The following ZEB1 variants were observed in gnomAD, a reference collection of about 807,000 sequenced individuals.
ZEB1 encodes the protein zinc finger E-box-binding homeobox 1.
Under a neutral mutation model 84.9 loss-of-function variants are expected in ZEB1, and 21 were observed. The ratio of observed to expected loss-of-function variants is 0.25; its 90% CI spans 0.18 to 0.36. The LOEUF (loss-of-function observed/expected upper bound fraction) is 0.36, where lower values mean the gene tolerates loss of function less well. ZEB1 is among the 10% of genes least tolerant of loss of function. The pLI, the probability that ZEB1 is intolerant of heterozygous loss-of-function variation, is 1.00. For synonymous variants in ZEB1, 420 were observed against 471.1 expected (o/e 0.89, Z 1.41); for missense variants, 1,104 against 1,330.2 (o/e 0.83, Z 2.65).
intron 1 of ZEB1, among the ~76,000 whole-genome samples, chr10:31,434,036 A>C (rs2058025024): frequency 6.6e-6 from 1 of 152,210 alleles, no homozygotes; most frequent in African/African-American, 2.4e-5. Flanking sequence ...ATTTTTCTTT[A>C]CCTGCTTTTT....
intron 1 of ZEB1, among the ~76,000 whole-genome samples, chr10:31,456,158 C>G (rs1364412315): frequency 6.6e-6 from 1 of 152,152 alleles, no homozygotes; most frequent in Admixed American, 6.6e-5. Context: ...ATCACAAGAA[C>G]AGAAAACCAA....
intron 2 of ZEB1, among the ~76,000 whole-genome samples, chr10:31,479,595 A>G (rs2064770038): frequency 6.6e-6 from 1 of 151,902 alleles, no homozygotes; most frequent in South Asian, 2.1e-4. Flanking sequence ...GGTTTAACCT[A>G]TGCAGATAAA....
At chr10:31,495,917 C>T in intron 3 of ZEB1, 79 bp downstream of exon 3, 1 of 1,461,478 alleles carries the variant, frequency 6.8e-7, no homozygotes, top group South Asian at 1.1e-5. Flanking sequence ...TTTGTGAGTC[C>T]TGAATTTAGT....
chr10:31,419,181 A>G (rs546751091), intron 1 of ZEB1, among the ~76,000 whole-genome samples: 1 of 152,234 alleles, frequency 6.6e-6, no homozygotes, highest in African/African-American at 2.4e-5. Flanking sequence ...AGAGATCTGT[A>G]AAGAAATGAC....
chr10:31,364,480 G>T (rs1262984564), intron 1 of ZEB1, among the ~76,000 whole-genome samples: 1 of 152,174 alleles, frequency 6.6e-6, no homozygotes, highest in Non-Finnish European at 1.5e-5. Context: ...GAAGCAGAGC[G>T]CAGGACCAGC....
intron 1 of ZEB1, among the ~76,000 whole-genome samples, chr10:31,364,240 A>G (rs1246533234): frequency 6.6e-6 from 1 of 152,174 alleles, no homozygotes; most frequent in East Asian, 1.9e-4. Context: ...AGAGGAGTCA[A>G]AGGGCAAAGG....
At chr10:31,442,507 T>C (rs2059148019) in intron 1 of ZEB1, among the ~76,000 whole-genome samples, 1 of 151,924 alleles carries the variant, frequency 6.6e-6, no homozygotes, top group South Asian at 2.1e-4. Flanking sequence ...TGTATACATA[T>C]GTAACAAAGT....
At chr10:31,420,833 G>A (rs1334724074) in intron 1 of ZEB1, among the ~76,000 whole-genome samples, 1 of 152,080 alleles carries the variant, frequency 6.6e-6, no homozygotes, top group Non-Finnish European at 1.5e-5. Flanking sequence ...AGTGATGCTT[G>A]TCTCAGTCTC....
chr10:31,345,248 A>G (rs1221068750), intron 1 of ZEB1, among the ~76,000 whole-genome samples: 1 of 152,084 alleles, frequency 6.6e-6, no homozygotes, highest in Non-Finnish European at 1.5e-5. Flanking sequence ...CAGTTACTCC[A>G]TTTACCTGAA....
At chr10:31,367,848 G>C (rs2044833668) in intron 1 of ZEB1, among the ~76,000 whole-genome samples, 1 of 151,992 alleles carries the variant, frequency 6.6e-6, no homozygotes, top group East Asian at 1.9e-4. Context: ...ACAATTCTTG[G>C]TGAAAAAGTA....
At chr10:31,363,998 G>A (rs2043931571) in intron 1 of ZEB1, among the ~76,000 whole-genome samples, 1 of 152,216 alleles carries the variant, frequency 6.6e-6, no homozygotes, top group Non-Finnish European at 1.5e-5. Context: ...CGATGGCATG[G>A]CCAGGACCTG....
At chr10:31,324,148 C>G (rs927578430) in intron 1 of ZEB1, among the ~76,000 whole-genome samples, 3 of 151,902 alleles carry the variant, frequency 2.0e-5, no homozygotes, top group Non-Finnish European at 2.9e-5. Flanking sequence ...TGGAGCAAAA[C>G]TTAAAGTATC....
At chr10:31,354,675 T>G (rs913166478) in intron 1 of ZEB1, among the ~76,000 whole-genome samples, 3 of 152,216 alleles carry the variant, frequency 2.0e-5, no homozygotes, top group Non-Finnish European at 4.4e-5. Flanking sequence ...AGAAGTTAAA[T>G]AACTTCTCTT....
intron 1 of ZEB1, among the ~76,000 whole-genome samples, chr10:31,422,234 G>T (rs2056285357): frequency 6.6e-6 from 1 of 152,170 alleles, no homozygotes; most frequent in South Asian, 2.1e-4. Context: ...GCTTGGCATA[G>T]GGTACGGTAG....
intron 1 of ZEB1, among the ~76,000 whole-genome samples, chr10:31,437,588 G>A (rs542301169): frequency 6.6e-6 from 1 of 152,282 alleles, no homozygotes; most frequent in Admixed American, 6.5e-5. Flanking sequence ...CAGGGAATTA[G>A]TGTCCCATGT....
chr10:31,321,928 G>T, intron 1 of ZEB1: 1 of 234,082 alleles, frequency 4.3e-6, no homozygotes, highest in Non-Finnish European at 8.6e-6. Context: ...CATTCTCAAG[G>T]GAGGGATTTA....
intron 1 of ZEB1, among the ~76,000 whole-genome samples, chr10:31,393,723 A>T (rs902842807): frequency 2.0e-5 from 3 of 152,224 alleles, no homozygotes; most frequent in Non-Finnish European, 4.4e-5. Context: ...TACCATAGAT[A>T]TTGTTTAAAA....
At chr10:31,466,234 A>G (rs1397461143) in intron 2 of ZEB1, among the ~76,000 whole-genome samples, 1 of 152,196 alleles carries the variant, frequency 6.6e-6, no homozygotes, top group African/African-American at 2.4e-5. Flanking sequence ...ATCAATAAAG[A>G]AACAGTGGAT....
chr10:31,345,028 A>T (rs1460500827), intron 1 of ZEB1, among the ~76,000 whole-genome samples: 2 of 152,166 alleles, frequency 1.3e-5, no homozygotes, highest in Non-Finnish European at 2.9e-5. Flanking sequence ...ATTTATCCAG[A>T]TGTTAATGTT....
Sources: allele counts gnomAD v4.1 joint callset (sites outside exome capture counted in the v4.1 genomes callset), GRCh38; gene constraint gnomAD v4.1.1; transcripts MANE v1.5; gene names NCBI Gene and HGNC (gene_info 2026-07-23, HGNC 2026-07-21).